Variants in SATB1 observed in about 807,000 individuals in gnomAD.
SATB1 encodes DNA-binding protein SATB1.
A neutral mutation model predicts 86.9 loss-of-function variants in SATB1; 11 were observed. The observed-to-expected ratio is 0.13, with a 90% CI of 0.08 to 0.21. The LOEUF is 0.21. Among genes scored for constraint, SATB1 ranks in the 10% least tolerant of loss-of-function variants. The probability of loss-of-function intolerance (pLI) is 1.00; values close to 1 mark genes in which losing one functional copy is unlikely to be tolerated. For missense variants in SATB1, 551 were observed against 937.6 expected, an observed-to-expected ratio of 0.59 and a Z score of 5.39; for synonymous variants, 357 against 357.2, an observed-to-expected ratio of 1.00 and a Z score of 0.01.
At chr3:18,372,675 A>T (rs1348029597) in intron 9 of SATB1, among the ~76,000 whole-genome samples, 1 of 152,210 alleles carries the variant, frequency 6.6e-6, no homozygotes, top group Non-Finnish European at 1.5e-5. Context: ...CAGATCCACA[A>T]TTAGCTCTTA....
Position 18,411,303 on chromosome 3 carries a change from CAT to C in SATB1, c.639+3806_639+3807del, listed in dbSNP as rs1049221273. On this transcript the variant is annotated intron_variant, in intron 5 of 10. Transcript: ENST00000338745. ...GTGCACGCGCGAGTATGTACGCCCA[CAT>C]GTGTGGTGAAAGAGGGAAGGTAAAA... Among the ~76,000 whole-genome samples, 25 of 152,020 alleles carry C rather than the reference CAT, an allele frequency of 1.6e-4. 1 individual carries two copies. The highest frequency in any genetic ancestry group is 1.3e-4 in the Admixed American group (2 of 15,244).
chr3:18,395,126 T>C (rs1440729778), intron 6 of SATB1, among the ~76,000 whole-genome samples: 1 of 152,204 alleles, frequency 6.6e-6, no homozygotes, highest in Non-Finnish European at 1.5e-5. Flanking sequence ...GGGACAGCAT[T>C]CCTAATCTTA....
At chr3:18,412,493 T>C (rs749484406) in intron 5 of SATB1, among the ~76,000 whole-genome samples, 9 of 152,084 alleles carry the variant, frequency 5.9e-5, no homozygotes, top group Non-Finnish European at 1.2e-4. Context: ...TACTTTATCA[T>C]ATTCAACAAA....
At chr3:18,350,401 T>G (rs1317530613) in intron 10 of SATB1, 1 of 151,804 alleles carries the variant, frequency 6.6e-6, no homozygotes, top group Non-Finnish European at 1.5e-5. Context: ...AGGATTTAAA[T>G]TTAGTGTATA....
chr3:18,388,058 G>C (rs865891426), intron 7 of SATB1, among the ~76,000 whole-genome samples: 1 of 152,140 alleles, frequency 6.6e-6, no homozygotes, highest in Non-Finnish European at 1.5e-5. Context: ...CTCTCACTTA[G>C]TCTCTTACAG....
rs1437365338 is a variant in SATB1, at chr3:18,424,705, G to A, written c.-1103C>T. 7.2e-5 allele frequency: 11 copies of A among 152,114 alleles called. No individual in the cohort carries two copies. Among genetic ancestry groups the A allele is most frequent in the Non-Finnish European group, 1.6e-4 (11 of 68,058 alleles). The allele number at this position is 152,114 out of a possible 1,614,324, so 9.4% of individuals were successfully genotyped here. Reference sequence around the variant, plus strand: ...AAGCTCTCACTCGTCCAGAGTCCGAGGTAAACAACGAGCACCACAATGGCA... The same window carrying A: ...AAGCTCTCACTCGTCCAGAGTCCGAAGTAAACAACGAGCACCACAATGGCA... On this transcript the variant is annotated 5_prime_UTR_variant, in exon 1 of 11. Coordinates refer to ENST00000338745, the MANE Select transcript of SATB1 (RefSeq NM_002971.6).
intron 5 of SATB1, among the ~76,000 whole-genome samples, chr3:18,400,839 T>C (rs9812165): frequency 0.34 from 51,677 of 152,128 alleles, 9,524 homozygotes; most frequent in Admixed American, 0.47. Flanking sequence ...GAATGAAGTA[T>C]ACTGATTAAA....
Position 18,420,814 on chromosome 3 carries a change from T to G in SATB1, c.154A>C (p.Met52Leu). Residue 52 changes from methionine to leucine, a missense_variant, in exon 2 of 11, where the codon ATG becomes CTG. Physicochemically the swap from Met to Leu is conservative, Grantham distance 15 (BLOSUM62 2). This residue lies in a region of SATB1 where 153 missense variants were observed against 258.1 expected (regional missense o/e 0.59). Transcript: ENST00000338745. ...RGRLGSTGAK[M>L]QGVPLKHSGH... ...GAGTGTTTTAAAGGCACTCCCTGCA[T>G]TTTTGCACCTGTACTCCCAAGCCTT... 1.9e-6 allele frequency: 3 copies of G among 1,614,172 alleles called. No individual in the cohort carries two copies. The highest frequency in any genetic ancestry group is 2.5e-6 in the Non-Finnish European group (3 of 1,180,020).
At chr3:18,442,268 A>G (rs937285876), upstream of SATB1, among the ~76,000 whole-genome samples, 1 of 151,778 alleles carries the variant, frequency 6.6e-6, no homozygotes, top group Non-Finnish European at 1.5e-5. Context: ...ATTTATATTC[A>G]TTATTCAGAA....
chr3:18,442,957 A>G (rs1159087417), upstream of SATB1, among the ~76,000 whole-genome samples: 5 of 152,244 alleles, frequency 3.3e-5, no homozygotes. Flanking sequence ...GCTAAATCAT[A>G]GCAGTAGTAC....
upstream of SATB1, among the ~76,000 whole-genome samples, chr3:18,442,042 A>T (rs780311228): frequency 1.3e-5 from 2 of 152,178 alleles, no homozygotes; most frequent in Non-Finnish European, 2.9e-5. Context: ...TTCCTTTTGA[A>T]TACTTTTACA....
At chr3:18,351,266 C>T (rs1252376553) in intron 10 of SATB1, 3 of 1,469,056 alleles carry the variant, frequency 2.0e-6, no homozygotes, top group Non-Finnish European at 2.8e-6. Flanking sequence ...CTTTAGGTCA[C>T]CCCCTCTCTG....
At chr3:18,351,067 A>C (rs1694333150) in intron 10 of SATB1, 6 of 494,534 alleles carry the variant, frequency 1.2e-5, no homozygotes, top group African/African-American at 5.8e-5. Flanking sequence ...AAGAGCGCTA[A>C]TGACTACCTG....
chr3:18,387,186 G>A (rs1052699425), intron 7 of SATB1, among the ~76,000 whole-genome samples: 4 of 152,146 alleles, frequency 2.6e-5, no homozygotes, highest in African/African-American at 9.7e-5. Flanking sequence ...GACACTACGT[G>A]ACCCTTTCAA....
intron 8 of SATB1, among the ~76,000 whole-genome samples, chr3:18,383,180 T>C (rs1696148209): frequency 6.6e-6 from 1 of 152,222 alleles, no homozygotes; most frequent in Non-Finnish European, 1.5e-5. Flanking sequence ...CTGGAGCACA[T>C]GGGATACCTC....
chr3:18,434,737 A>T (rs1010953302), intron 2 of SATB1, among the ~76,000 whole-genome samples: 1 of 151,862 alleles, frequency 6.6e-6, no homozygotes, highest in African/African-American at 2.4e-5. Flanking sequence ...AAGATCACAT[A>T]AAAAATCTCT....
chr3:18,430,843 T>C (rs977914043), intron 2 of SATB1, among the ~76,000 whole-genome samples: 8 of 152,230 alleles, frequency 5.3e-5, no homozygotes, highest in African/African-American at 1.7e-4. Flanking sequence ...TGGTAATTCA[T>C]GATACAGTTT....
chr3:18,368,943 G>A (rs1184283519), intron 9 of SATB1, among the ~76,000 whole-genome samples: 2 of 152,010 alleles, frequency 1.3e-5, no homozygotes, highest in African/African-American at 4.8e-5. Flanking sequence ...CGAGACTGGT[G>A]ATAACTTTAG....
intron 7 of SATB1, among the ~76,000 whole-genome samples, chr3:18,390,189 AG>A (rs1696580213): frequency 6.6e-6 from 1 of 152,208 alleles, no homozygotes; most frequent in Non-Finnish European, 1.5e-5. Flanking sequence ...CTGAACAAAA[AG>A]GCTGTCTGGC....
Sources: gnomAD v4.1 joint callset for allele counts (sites outside exome capture counted in the v4.1 genomes callset) on GRCh38, gnomAD v4.1.1 for gene constraint, gnomAD v4.1.1 regional missense constraint, MANE v1.5 for transcripts, NCBI Gene and HGNC (gene_info 2026-07-23, HGNC 2026-07-21) for gene names.